The following STX8 variants were observed in gnomAD, a reference collection of about 807,000 sequenced individuals.
STX8 encodes syntaxin-8.
A neutral mutation model predicts 37.5 loss-of-function variants in STX8; 23 were observed. The ratio of observed to expected loss-of-function variants is 0.61; its 90% CI spans 0.44 to 0.87. The LOEUF (loss-of-function observed/expected upper bound fraction) is 0.87. STX8 is among the 40% of genes least tolerant of loss of function. The pLI is 0.00. For synonymous variants in STX8, 115 were observed against 99.1 expected, an observed-to-expected ratio of 1.16 and a Z score of -0.95; for missense variants, 313 against 284.7, an observed-to-expected ratio of 1.10 and a Z score of -0.71.
intron 7 of STX8, among the ~76,000 whole-genome samples, chr17:9,365,050 A>G (rs528543071): frequency 5.0e-5 from 7 of 141,294 alleles, no homozygotes; most frequent in South Asian, 4.2e-4. Context: ...AAAGTAATGA[A>G]GAGAAAAGAG....
chr17:9,394,502 T>G (rs1912330130), intron 6 of STX8, among the ~76,000 whole-genome samples: 1 of 151,392 alleles, frequency 6.6e-6, no homozygotes, highest in Non-Finnish European at 1.5e-5. Context: ...GTAGCTGGGA[T>G]TACAGGCGCC....
At chr17:9,335,306 T>G (rs1910100302) in intron 7 of STX8, among the ~76,000 whole-genome samples, 1 of 152,234 alleles carries the variant, frequency 6.6e-6, no homozygotes, top group Non-Finnish European at 1.5e-5. Context: ...GAAGTAAAAT[T>G]GCCTTGCTGA....
chr17:9,416,950 G>A (rs896536555), intron 6 of STX8, among the ~76,000 whole-genome samples: 1 of 152,034 alleles, frequency 6.6e-6, no homozygotes, highest in African/African-American at 2.4e-5. Flanking sequence ...TTTCCATTCT[G>A]GCAACCAACT....
chr17:9,260,889 AAACGT>A (rs1453686327), intron 7 of STX8, among the ~76,000 whole-genome samples: 1 of 152,232 alleles, frequency 6.6e-6, no homozygotes, highest in Non-Finnish European at 1.5e-5. Flanking sequence ...AGGAACACAG[AAACGT>A]GGAAAGAATC....
intron 7 of STX8, among the ~76,000 whole-genome samples, chr17:9,336,447 C>T (rs1910143675): frequency 6.7e-6 from 1 of 150,230 alleles, no homozygotes; most frequent in African/African-American, 2.5e-5. Flanking sequence ...TTCCTTCTTT[C>T]TTTCTTGAGA....
chr17:9,395,976 A>G (rs1163227587), intron 6 of STX8, among the ~76,000 whole-genome samples: 1 of 152,202 alleles, frequency 6.6e-6, no homozygotes, highest in Non-Finnish European at 1.5e-5. Flanking sequence ...GCGTTAAACA[A>G]CCCTACAATA....
intron 7 of STX8, among the ~76,000 whole-genome samples, chr17:9,362,244 C>T (rs996401593): frequency 1.6e-4 from 24 of 152,160 alleles, no homozygotes; most frequent in Non-Finnish European, 1.0e-4. Context: ...GCATAAGAAT[C>T]GCTTGAACCA....
At chr17:9,333,489 G>A (rs1164647846) in intron 7 of STX8, among the ~76,000 whole-genome samples, 4 of 152,214 alleles carry the variant, frequency 2.6e-5, no homozygotes, top group South Asian at 4.1e-4. Context: ...CCGGGTTCAC[G>A]CCATTCTCCT....
At chr17:9,564,254 G>C (rs920684072) in intron 2 of STX8, among the ~76,000 whole-genome samples, 3 of 151,600 alleles carry the variant, frequency 2.0e-5, no homozygotes, top group Admixed American at 2.0e-4. Flanking sequence ...AGTTAGGCAG[G>C]AGAAAAAGAG....
At chr17:9,463,395 C>A (rs1905474631) in intron 6 of STX8, among the ~76,000 whole-genome samples, 1 of 152,222 alleles carries the variant, frequency 6.6e-6, no homozygotes, top group Non-Finnish European at 1.5e-5. Context: ...TAACAGGTAT[C>A]CCTGCAATCT....
chr17:9,359,503 ATTTTTTT>A (rs145808683), intron 7 of STX8, among the ~76,000 whole-genome samples: 3 of 91,746 alleles, frequency 3.3e-5, no homozygotes, highest in East Asian at 3.1e-4. Flanking sequence ...GCTGAGACAT[ATTTTTTT>A]TTTTTTTTTT....
At chr17:9,519,836 A>C (rs1905279161) in intron 4 of STX8, among the ~76,000 whole-genome samples, 1 of 131,380 alleles carries the variant, frequency 7.6e-6, no homozygotes, top group Non-Finnish European at 1.5e-5. Context: ...GCAAAATTCT[A>C]TTCATTCCCC....
intron 7 of STX8, among the ~76,000 whole-genome samples, chr17:9,356,883 G>A (rs1195532989): frequency 6.6e-6 from 1 of 151,646 alleles, no homozygotes; most frequent in Non-Finnish European, 1.5e-5. Flanking sequence ...AGGCTTAAGG[G>A]TGGCAGCTGC....
At chr17:9,434,113 C>T (rs1469345719) in intron 6 of STX8, among the ~76,000 whole-genome samples, 2 of 152,146 alleles carry the variant, frequency 1.3e-5, no homozygotes, top group Non-Finnish European at 2.9e-5. Flanking sequence ...AAGCAATTCT[C>T]CTGCCTCAGC....
chr17:9,335,370 T>C (rs1374458916), intron 7 of STX8, among the ~76,000 whole-genome samples: 1 of 152,220 alleles, frequency 6.6e-6, no homozygotes, highest in African/African-American at 2.4e-5. Context: ...GAAAATTTAT[T>C]TCTAACATAA....
intron 2 of STX8, among the ~76,000 whole-genome samples, chr17:9,563,824 T>C (rs1262011390): frequency 6.6e-6 from 1 of 151,826 alleles, no homozygotes; most frequent in African/African-American, 2.4e-5. Context: ...AAAGAATCAA[T>C]TATTGCAAAA....
At chr17:9,355,260 C>T (rs577642890) in intron 7 of STX8, among the ~76,000 whole-genome samples, 44 of 151,312 alleles carry the variant, frequency 2.9e-4, no homozygotes, top group African/African-American at 1.0e-3. Context: ...TGTGGCATTC[C>T]TACTCTTTCG....
intron 3 of STX8, among the ~76,000 whole-genome samples, chr17:9,549,039 A>G (rs1274297874): frequency 2.0e-5 from 3 of 152,200 alleles, no homozygotes; most frequent in African/African-American, 7.2e-5. Context: ...TTATAGTCAA[A>G]GGAATTTTAT....
At chr17:9,288,144 A>G (rs57452491) in intron 7 of STX8, among the ~76,000 whole-genome samples, 1 of 42,782 alleles carries the variant, frequency 2.3e-5, no homozygotes, top group Non-Finnish European at 3.9e-5. Context: ...AACAAACAAA[A>G]AAAAAAAAAA....
Sources: gnomAD v4.1 joint callset for allele counts (sites outside exome capture counted in the v4.1 genomes callset) on GRCh38, gnomAD v4.1.1 for gene constraint, MANE v1.5 for transcripts, NCBI Gene and HGNC (gene_info 2026-07-23, HGNC 2026-07-21) for gene names.